Variants in AKAP6 observed in about 807,000 individuals in gnomAD.
The protein encoded by AKAP6 is A-kinase anchoring protein 6, also known as A-kinase anchor protein 6.
Under a neutral mutation model 188.5 loss-of-function variants are expected in AKAP6, and 58 were observed. The ratio of observed to expected loss-of-function variants is 0.31; its 90% CI spans 0.25 to 0.38. AKAP6 has a LOEUF of 0.38. Among genes scored for constraint, AKAP6 ranks in the 10% least tolerant of loss-of-function variants. The pLI is 1.00. For missense variants in AKAP6, 2,710 were observed against 2,740.0 expected, an observed-to-expected ratio of 0.99 and a Z score of 0.24; for synonymous variants, 989 against 998.6, an observed-to-expected ratio of 0.99 and a Z score of 0.18.
intron 2 of AKAP6, among the ~76,000 whole-genome samples, chr14:32,523,791 T>TA (rs55994452): frequency 0.34 from 36,472 of 106,896 alleles, 6,173 homozygotes; most frequent in African/African-American, 0.47. Context: ...TCCTCCTGAT[T>TA]AAAAAAAAAA....
chr14:32,747,091 T>G (rs79067105), intron 11 of AKAP6, among the ~76,000 whole-genome samples: 2,044 of 152,204 alleles, frequency 0.013, 36 homozygotes, highest in African/African-American at 0.046. Flanking sequence ...CAGTGCATAA[T>G]TTTCAGAAAT....
intron 7 of AKAP6, among the ~76,000 whole-genome samples, chr14:32,625,500 A>G (rs11849901): frequency 0.016 from 2,504 of 152,168 alleles, 63 homozygotes; most frequent in African/African-American, 0.058. Flanking sequence ...GTTTTTGTCT[A>G]AATTATTCTA....
At chr14:32,462,916 A>AAAAAAAAAAAAAAAAAAAC (rs1891389540) in intron 2 of AKAP6, among the ~76,000 whole-genome samples, 3 of 93,808 alleles carry the variant, frequency 3.2e-5, no homozygotes, top group African/African-American at 1.4e-4. Context: ...AAAAAAAAAA[A>AAAAAAAAAAAAAAAAAAAC]AAAAAAAAAA....
At chr14:32,340,434 C>T (rs1009525541) in intron 1 of AKAP6, among the ~76,000 whole-genome samples, 2 of 152,146 alleles carry the variant, frequency 1.3e-5, no homozygotes, top group Non-Finnish European at 2.9e-5. Flanking sequence ...TCCCTGCTGA[C>T]ATACTCTTCC....
chr14:32,751,870 A>C (rs1440954441), intron 11 of AKAP6, among the ~76,000 whole-genome samples: 1 of 152,102 alleles, frequency 6.6e-6, no homozygotes, highest in African/African-American at 2.4e-5. Context: ...AAAAGTACCA[A>C]CTTATCTCAG....
chr14:32,695,918 A>G, intron 8 of AKAP6, 72 bp from the exon 9 acceptor site: 2 of 1,488,464 alleles, frequency 1.3e-6, no homozygotes, highest in African/African-American at 1.5e-5. Flanking sequence ...TTTCAAGAAT[A>G]TATTATTCTA....
chr14:32,831,359 A>C lies in AKAP6; in HGVS notation c.*1554A>C, dbSNP rs1212150044. On this transcript the variant is annotated 3_prime_UTR_variant, in exon 14 of 14. Coordinates refer to ENST00000280979, the MANE Select transcript of AKAP6 (RefSeq NM_004274.5). The stretch of plus-strand genomic sequence containing the variant: ...ATTTACTGAATTAAAGGATTAAATT[A>C]GGTGACATGGTGACATCTATCCCTT... 1.3e-5 allele frequency: 2 copies of C among 152,230 alleles called. No individual in the cohort carries two copies. The highest frequency in any genetic ancestry group is 2.9e-5 in the Non-Finnish European group (2 of 68,034). 9.4% of individuals were successfully genotyped at this position (152,230 alleles called of 1,614,324 possible).
chr14:32,507,772 G>A (rs959786196), intron 2 of AKAP6, among the ~76,000 whole-genome samples: 3 of 152,178 alleles, frequency 2.0e-5, no homozygotes, highest in Admixed American at 1.3e-4. Context: ...ATATTTGATC[G>A]AGCACAGAGG....
chr14:32,481,821 A>G (rs74497958), intron 2 of AKAP6, among the ~76,000 whole-genome samples: 8,618 of 152,260 alleles, frequency 0.057, 500 homozygotes, highest in Admixed American at 0.18. Flanking sequence ...ATTCCTTTCC[A>G]GCTACCACCC....
At chr14:32,764,725 CACAT>C (rs2032653003) in intron 11 of AKAP6, among the ~76,000 whole-genome samples, 1 of 152,026 alleles carries the variant, frequency 6.6e-6, no homozygotes, top group African/African-American at 2.4e-5. Context: ...CACGCACACA[CACAT>C]ATTGTAGTGT....
At chr14:32,620,853 G>A (rs970360284) in intron 7 of AKAP6, among the ~76,000 whole-genome samples, 15 of 151,554 alleles carry the variant, frequency 9.9e-5, no homozygotes, top group African/African-American at 2.7e-4. Flanking sequence ...CTTGTTATTG[G>A]TCTGTTCAGG....
At chr14:32,575,355 TAGTA>T (rs966040787) in intron 4 of AKAP6, among the ~76,000 whole-genome samples, 31 of 152,206 alleles carry the variant, frequency 2.0e-4, no homozygotes, top group Admixed American at 1.5e-3. Flanking sequence ...AAAATTCACT[TAGTA>T]AGGGAATACA....
chr14:32,567,774 A>G (rs1005515246), intron 4 of AKAP6, among the ~76,000 whole-genome samples: 11 of 152,182 alleles, frequency 7.2e-5, no homozygotes, highest in Non-Finnish European at 1.5e-4. Context: ...CAAGGAATAA[A>G]ACAACATTTT....
At chr14:32,569,981 T>G (rs1322644376) in intron 4 of AKAP6, among the ~76,000 whole-genome samples, 1 of 152,018 alleles carries the variant, frequency 6.6e-6, no homozygotes, top group Non-Finnish European at 1.5e-5. Context: ...GGTAGCTGGG[T>G]GGTGAAATTC....
intron 5 of AKAP6, among the ~76,000 whole-genome samples, chr14:32,591,179 T>C (rs559853173): frequency 7.9e-5 from 12 of 152,274 alleles, no homozygotes; most frequent in African/African-American, 2.9e-4. Context: ...TAGAGAAATA[T>C]TTGGGCCAGC....
At chr14:32,571,520 C>A (rs907072719) in intron 4 of AKAP6, among the ~76,000 whole-genome samples, 2 of 151,874 alleles carry the variant, frequency 1.3e-5, no homozygotes, top group Non-Finnish European at 2.9e-5. Flanking sequence ...CTAAAGAGAC[C>A]CTGTCTCTAA....
intron 7 of AKAP6, among the ~76,000 whole-genome samples, chr14:32,630,232 C>G (rs1289885804): frequency 6.6e-6 from 1 of 151,982 alleles, no homozygotes; most frequent in African/African-American, 2.4e-5. Flanking sequence ...TTTCATAGGC[C>G]CACTTCATTT....
At chr14:32,763,243 A>G (rs1012234197) in intron 11 of AKAP6, among the ~76,000 whole-genome samples, 3 of 152,112 alleles carry the variant, frequency 2.0e-5, no homozygotes, top group Non-Finnish European at 4.4e-5. Context: ...TCTGTTTCTG[A>G]CTTGCAATTA....
At chr14:32,379,869 C>A (rs117891821) in intron 1 of AKAP6, among the ~76,000 whole-genome samples, 1 of 152,192 alleles carries the variant, frequency 6.6e-6, no homozygotes, top group East Asian at 1.9e-4. Flanking sequence ...CACCTCTAAT[C>A]GTGTATCAAA....
Sources: gnomAD v4.1 joint callset for allele counts (sites outside exome capture counted in the v4.1 genomes callset) on GRCh38, gnomAD v4.1.1 for gene constraint, MANE v1.5 for transcripts, NCBI Gene and HGNC (gene_info 2026-07-23, HGNC 2026-07-21) for gene names.